Variants in PCDHGA7 observed in about 807,000 individuals in gnomAD.
PCDHGA7 encodes protocadherin gamma subfamily A, 7, also known as protocadherin gamma-A7.
PCDHGA7 carries 44 observed loss-of-function variants against 58.3 expected under a neutral mutation model. That is an observed-to-expected ratio of 0.75 (90% CI 0.59 to 0.97). PCDHGA7 has a LOEUF of 0.97. Among genes scored for constraint, PCDHGA7 ranks in the 50% least tolerant of loss-of-function variants. The probability of loss-of-function intolerance (pLI) is 0.00; values close to 1 mark genes in which losing one functional copy is unlikely to be tolerated. For missense variants in PCDHGA7, 1,266 were observed against 1,188.7 expected (o/e 1.06, Z -0.96); for synonymous variants, 516 against 504.2 (o/e 1.02, Z -0.31).
chr5:141,485,242 C>A lies in PCDHGA7; in HGVS notation c.2425-9565C>A, dbSNP rs747029550. ...CTACCCTTTTGTTCCTCTTTTACCA[C>A]CTGGGTTACGTTTGTGGGCAGATCC... On this transcript the variant is annotated intron_variant, in intron 1 of 3. Transcript: ENST00000518325. This position sits in a 1 kb window ranked among gnomAD's most constrained non-coding sequence, Gnocchi z 5.7. 7.4e-5 allele frequency: 119 copies of A among 1,614,054 alleles called. No individual in the cohort carries two copies. The highest frequency in any genetic ancestry group is 3.3e-4 in the Middle Eastern group (2 of 6,084).
rs761126985 is a variant in PCDHGA7 at position 141,431,245 on chromosome 5, C to G, written c.2424+45922C>G. ...TACCCCACGCCTGGGATCCGGATAT[C>G]GGGAAGAACTCTCTGCAGAGCTACG... is the stretch of plus-strand genomic sequence containing the variant. On this transcript the variant is annotated intron_variant, in intron 1 of 3. Transcript: ENST00000518325. This position sits in a 1 kb window ranked among gnomAD's most constrained non-coding sequence, Gnocchi z 4.8. 1.2e-6 allele frequency: 2 copies of G among 1,614,016 alleles called. No homozygotes were observed. Among genetic ancestry groups the G allele is most frequent in the Non-Finnish European group, 1.7e-6 (2 of 1,180,046 alleles).
At chr5:141,408,297 C>G in intron 1 of PCDHGA7, 1 of 1,613,652 alleles carries the variant, frequency 6.2e-7, no homozygotes, top group East Asian at 2.2e-5. Flanking sequence ...CTGAGTGAGC[C>G]GATCCGCTAC....
In PCDHGA7 at chr5:141,382,787, T is replaced by A; in HGVS notation, c.-113T>A. Reference sequence around the variant, plus strand: ...CCAGGCTGCACTAAACTCAAGCCTCTATCCTGCTGGATTCTGAGCTCCCCT... The same window carrying A: ...CCAGGCTGCACTAAACTCAAGCCTCAATCCTGCTGGATTCTGAGCTCCCCT... On this transcript the variant is annotated 5_prime_UTR_variant, in exon 1 of 4. Transcript: ENST00000518325. 1.1e-6 allele frequency: 1 copy of A among 906,454 alleles called. No homozygotes were observed. The highest frequency in any genetic ancestry group is 1.7e-6 in the Non-Finnish European group (1 of 594,352). 56.2% of individuals were successfully genotyped at this position (906,454 alleles called of 1,614,324 possible). A position where few individuals can be genotyped will look rare whatever the true frequency, so the allele number is the denominator to read the frequency against.
At chr5:141,460,829 A>C (rs1242954704) in intron 1 of PCDHGA7, among the ~76,000 whole-genome samples, 1 of 151,944 alleles carries the variant, frequency 6.6e-6, no homozygotes, top group African/African-American at 2.4e-5. Flanking sequence ...ATACACACTT[A>C]AAGTAATGGC....
chr5:141,438,617 TATATATATATATATATATACAC>T (rs1342425883), intron 1 of PCDHGA7, among the ~76,000 whole-genome samples: 18 of 37,162 alleles, frequency 4.8e-4, no homozygotes, highest in Admixed American at 2.0e-3. Flanking sequence ...TATATATATA[TATATATATATATATATATACAC>T]ACACACACAC....
rs765751691 is a variant in PCDHGA7 at position 141,431,363 on chromosome 5, C to G, written c.2424+46040C>G. The G allele has an allele frequency of 6.2e-7, 1 of 1,614,024 alleles. No individual in the cohort carries two copies. The highest frequency in any genetic ancestry group is 2.2e-5 in the East Asian group (1 of 44,882). ...ATTGGTGCTGAAACGCGCCCTGGAC[C>G]GCGAAGAAAAGGCTGCTCACCACCT... is the stretch of plus-strand genomic sequence containing the variant. On this transcript the variant is annotated intron_variant, in intron 1 of 3. Transcript: ENST00000518325. This position sits in a 1 kb window ranked among gnomAD's most constrained non-coding sequence, Gnocchi z 4.8.
intron 2 of PCDHGA7, among the ~76,000 whole-genome samples, chr5:141,499,099 C>T (rs1031964059): frequency 1.3e-5 from 2 of 152,156 alleles, no homozygotes; most frequent in Non-Finnish European, 2.9e-5. Context: ...ACATGCTTCT[C>T]CTCCCCACCA....
rs1387036035 is a variant in PCDHGA7, at chr5:141,432,158, A to G, written c.2424+46835A>G. ...CGCTTATATCCCAGAGAACAATCCC[A>G]GAGGAGTTTCCCTCGTCTCTGTGAC... is the stretch of plus-strand genomic sequence containing the variant. On this transcript the variant is annotated intron_variant, in intron 1 of 3. Coordinates refer to ENST00000518325, the MANE Select transcript of PCDHGA7 (RefSeq NM_018920.4). The surrounding 1 kb of genome is among the most constrained non-coding windows in gnomAD (Gnocchi z 6.0). The G allele has an allele frequency of 6.2e-7, 1 of 1,613,932 alleles. No individual in the cohort carries two copies. Among genetic ancestry groups the G allele is most frequent in the Non-Finnish European group, 8.5e-7 (1 of 1,180,002 alleles).
Position 141,511,843 on chromosome 5 carries a change from GT to G in PCDHGA7, c.*674del, listed in dbSNP as rs1413398495. On this transcript the variant is annotated 3_prime_UTR_variant, in exon 4 of 4. Coordinates refer to ENST00000518325, the MANE Select transcript of PCDHGA7 (RefSeq NM_018920.4). ...CCAACGCCCTGGGGACCAGTCTTCT[GT>G]TTTGTTTTTCATTGTTTGACGTTTC... 1 of 156,550 alleles carries G rather than the reference GT, an allele frequency of 6.4e-6. No individual in the cohort carries two copies. The highest frequency in any genetic ancestry group is 2.4e-5 in the African/African-American group (1 of 41,452). The allele number at this position is 156,550 out of a possible 1,614,324, so 9.7% of individuals were successfully genotyped here. A position where few individuals can be genotyped will look rare whatever the true frequency, so the allele number is the denominator to read the frequency against.
chr5:141,490,322 A>C lies in PCDHGA7; in HGVS notation c.2425-4485A>C. ...GCCTCTTTGGCCAACCCTGTCCTAGAGAGCACACCAGTGGGCACAGTAGTG... is the reference window on the plus strand; with the variant it reads ...GCCTCTTTGGCCAACCCTGTCCTAGCGAGCACACCAGTGGGCACAGTAGTG... On this transcript the variant is annotated intron_variant, in intron 1 of 3. Coordinates refer to ENST00000518325, the MANE Select transcript of PCDHGA7 (RefSeq NM_018920.4). This position sits in a 1 kb window ranked among gnomAD's most constrained non-coding sequence, Gnocchi z 5.4. The C allele has an allele frequency of 6.2e-7, 1 of 1,614,232 alleles. No individual in the cohort carries two copies. Among genetic ancestry groups the C allele is most frequent in the Non-Finnish European group, 8.5e-7 (1 of 1,180,038 alleles).
chr5:141,408,660 C>A, intron 1 of PCDHGA7: 3 of 1,613,980 alleles, frequency 1.9e-6, no homozygotes, highest in Non-Finnish European at 1.7e-6. Flanking sequence ...ACACGACTAT[C>A]GCTTGACCCT....
At chr5:141,502,951 C>G (rs1444086718) in intron 2 of PCDHGA7, among the ~76,000 whole-genome samples, 1 of 147,768 alleles carries the variant, frequency 6.8e-6, no homozygotes, top group African/African-American at 2.6e-5. Context: ...TCAAGCGATT[C>G]TCCTGCCTCA....
chr5:141,400,168 C>G, intron 1 of PCDHGA7: 1 of 1,614,088 alleles, frequency 6.2e-7, no homozygotes, highest in South Asian at 1.1e-5. Context: ...CTCTGACCCC[C>G]AGGCTGAGCT....
chr5:141,471,925 G>A (rs1371923375), intron 1 of PCDHGA7, among the ~76,000 whole-genome samples: 1 of 152,076 alleles, frequency 6.6e-6, no homozygotes, highest in Non-Finnish European at 1.5e-5. Flanking sequence ...AAATTTTGGG[G>A]GTGATGAGAG....
rs1461557707 is a variant in PCDHGA7 at position 141,383,505 on chromosome 5, G to C, written c.606G>C (p.Arg202=). 6.2e-6 allele frequency: 10 copies of C among 1,612,818 alleles called. No individual in the cohort carries two copies. Among genetic ancestry groups the C allele is most frequent in the Admixed American group, 1.7e-5 (1 of 59,846 alleles). Residue 202 remains arginine (R), a synonymous_variant, in exon 1 of 4, where the codon CGG becomes CGC. Transcript: ENST00000518325. ...PELVLERVLD[R]EEERVHHLVL... is the part of the protein sequence containing the mutation. ...TGGTGCTGGAGCGGGTGCTGGACCG[G>C]GAGGAAGAGCGGGTTCACCACCTGG... is the stretch of plus-strand genomic sequence containing the variant.
intron 1 of PCDHGA7, chr5:141,398,766 T>C (rs775055352): frequency 6.2e-6 from 10 of 1,613,844 alleles, no homozygotes; most frequent in Non-Finnish European, 7.6e-6. Flanking sequence ...TAGTCCTGAC[T>C]GCCTTGGACG....
chr5:141,412,154 A>G (rs528810323), intron 1 of PCDHGA7: 1 of 152,344 alleles, frequency 6.6e-6, no homozygotes, highest in Admixed American at 6.5e-5. Flanking sequence ...ACTGCCTAAG[A>G]GAAGAGATTA....
chr5:141,384,183 A>G lies in PCDHGA7; in HGVS notation c.1284A>G (p.Gly428=), dbSNP rs1779806989. 11 of 1,613,812 alleles carry G rather than the reference A, an allele frequency of 6.8e-6. No homozygotes were observed. Among genetic ancestry groups the G allele is most frequent in the Non-Finnish European group, 9.3e-6 (11 of 1,179,868 alleles). ...TCACACTGAAAGCCACAGATGGTGG[A>G]ACTCCTCCCTTGTCCAGGGAAACTC... The part of the protein sequence containing the change: ...YNITLKATDG[G]TPPLSRETHI... The change falls in exon 1 of 4, where the codon GGA becomes GGG. Residue 428 remains glycine (G), a synonymous_variant. Coordinates refer to ENST00000518325, the MANE Select transcript of PCDHGA7 (RefSeq NM_018920.4).
In PCDHGA7 at chr5:141,404,750, C is replaced by G. The variant is rs1321458841; in HGVS notation, c.2424+19427C>G. The stretch of plus-strand genomic sequence containing the variant: ...GGTGGCAGTGGACAGAGACTCAGGC[C>G]AGAATGCTTGGCTCTCCTACCGCCT... On this transcript the variant is annotated intron_variant, in intron 1 of 3. Coordinates refer to ENST00000518325, the MANE Select transcript of PCDHGA7 (RefSeq NM_018920.4). 10 of 1,613,702 alleles carry G rather than the reference C, an allele frequency of 6.2e-6. No homozygotes were observed. In the African/African-American group the frequency reaches 1.3e-4, roughly 22 times the overall value.
Sources: allele counts gnomAD v4.1 joint callset (sites outside exome capture counted in the v4.1 genomes callset), GRCh38; gene constraint gnomAD v4.1.1; non-coding constraint Gnocchi (gnomAD v3.1); transcripts MANE v1.5; gene names NCBI Gene and HGNC (gene_info 2026-07-23, HGNC 2026-07-21).